The following PKHD1 variants were observed in gnomAD, a reference collection of about 807,000 sequenced individuals.
PKHD1 encodes PKHD1 ciliary IPT domain containing fibrocystin/polyductin, also known as fibrocystin.
In PKHD1, 291 loss-of-function variants were observed where a neutral mutation model predicts 412.0. That is an observed-to-expected ratio of 0.71 (90% CI 0.64 to 0.78). The LOEUF (loss-of-function observed/expected upper bound fraction) is 0.78, where lower values mean the gene tolerates loss of function less well. PKHD1 is among the 30% of genes least tolerant of loss of function. The pLI is 0.00. For synonymous variants in PKHD1, 1,777 were observed against 1,821.5 expected (o/e 0.98, Z 0.62); for missense variants, 4,825 against 4,950.7 (o/e 0.97, Z 0.76).
chr6:51,648,237 A>C (rs1770387482), intron 62 of PKHD1, 119 bp from the exon 63 acceptor site: 1 of 651,756 alleles, frequency 1.5e-6, no homozygotes, highest in Non-Finnish European at 2.8e-6. Flanking sequence ...AGTAGAAATA[A>C]AGGAAAGAAA....
chr6:51,958,153 A>T (rs1163053105), intron 36 of PKHD1, among the ~76,000 whole-genome samples: 2 of 152,058 alleles, frequency 1.3e-5, no homozygotes, highest in Admixed American at 1.3e-4. Context: ...TCTTTTGCCA[A>T]CAACTCCTGT....
At chr6:51,771,867 G>C (rs948242116) in intron 55 of PKHD1, among the ~76,000 whole-genome samples, 1 of 151,922 alleles carries the variant, frequency 6.6e-6, no homozygotes, top group African/African-American at 2.4e-5. Context: ...GTGGCATCAC[G>C]ATCTTCCCAC....
At chr6:51,670,235 A>G (rs2150494610) in intron 60 of PKHD1, among the ~76,000 whole-genome samples, 1 of 151,908 alleles carries the variant, frequency 6.6e-6, no homozygotes, top group South Asian at 2.1e-4. Context: ...GTGCTCCTGT[A>G]TTGGGTGCAT....
chr6:51,689,881 GAAGA>G (rs1251967140), intron 60 of PKHD1, among the ~76,000 whole-genome samples: 2 of 152,140 alleles, frequency 1.3e-5, no homozygotes, highest in African/African-American at 4.8e-5. Flanking sequence ...CATGCTTATG[GAAGA>G]AAGAATCAAT....
At chr6:52,084,649 A>G (rs899393075) in intron 2 of PKHD1, among the ~76,000 whole-genome samples, 2 of 152,258 alleles carry the variant, frequency 1.3e-5, no homozygotes, top group Admixed American at 6.5e-5. Context: ...ATATAACCTC[A>G]GCTGTTAAAC....
intron 48 of PKHD1, among the ~76,000 whole-genome samples, chr6:51,860,714 T>G (rs1489888343): frequency 6.6e-6 from 1 of 152,216 alleles, no homozygotes; most frequent in Non-Finnish European, 1.5e-5. Context: ...TCCTCCTGTC[T>G]ATGATCAAAA....
At chr6:51,953,727 C>A (rs1322981225) in intron 36 of PKHD1, among the ~76,000 whole-genome samples, 1 of 151,892 alleles carries the variant, frequency 6.6e-6, no homozygotes, top group African/African-American at 2.4e-5. Context: ...TTCAATAAAC[C>A]AAGAATATGC....
chr6:52,060,617 T>C lies in PKHD1; in HGVS notation c.1119-575A>G, dbSNP rs150449025. The stretch of plus-strand genomic sequence containing the variant: ...TTTTTAAAAGATAATATTTTTAATA[T>C]TTAAATTCCAGCAACCTAATATTAT... On this transcript the variant is annotated intron_variant, in intron 14 of 66. Coordinates refer to ENST00000371117, the MANE Select transcript of PKHD1 (RefSeq NM_138694.4). Among the ~76,000 whole-genome samples, 15 of 152,312 alleles carry C rather than the reference T, an allele frequency of 9.8e-5. No homozygotes were observed. In the East Asian group the frequency reaches 2.3e-3, roughly 23 times the overall value.
chr6:51,753,229 G>A lies in PKHD1; in HGVS notation c.8922C>T (p.Phe2974=). Reference sequence around the variant, plus strand: ...AAAATTCTTCTCGGCTGGACTTCCTGAAGGACCCCACAAACAGTCTCCCCC... The same window carrying A: ...AAAATTCTTCTCGGCTGGACTTCCTAAAGGACCCCACAAACAGTCTCCCCC... ...SCRGRLFVGS[F]RKSSREEFSG... Residue 2974 remains phenylalanine (F), a synonymous_variant, in exon 57 of 67, where the codon TTC becomes TTT. Transcript: ENST00000371117. 6.2e-7 allele frequency: 1 copy of A among 1,613,770 alleles called. No homozygotes were observed.
chr6:51,767,220 A>T (rs77488408), intron 55 of PKHD1, among the ~76,000 whole-genome samples: 24,577 of 149,400 alleles, frequency 0.16, 2,364 homozygotes, highest in African/African-American at 0.28. Context: ...GCATACATTT[A>T]AAAAAAAATG....
chr6:52,037,068 A>G (rs1467744523), intron 27 of PKHD1, among the ~76,000 whole-genome samples: 1 of 152,194 alleles, frequency 6.6e-6, no homozygotes, highest in East Asian at 1.9e-4. Flanking sequence ...AATAAAATAT[A>G]GTCCAGAAGA....
chr6:51,833,056 G>C (rs1333579472), intron 51 of PKHD1, among the ~76,000 whole-genome samples: 1 of 152,118 alleles, frequency 6.6e-6, no homozygotes, highest in East Asian at 1.9e-4. Flanking sequence ...AAAATACTCA[G>C]CTGGGGGTAG....
intron 51 of PKHD1, among the ~76,000 whole-genome samples, chr6:51,835,461 C>T (rs1214029564): frequency 1.3e-5 from 2 of 152,168 alleles, no homozygotes; most frequent in Non-Finnish European, 2.9e-5. Flanking sequence ...TGACTGACAT[C>T]CCCAAGAGAT....
At position 51,832,680 on chromosome 6, in the gene PKHD1, C is replaced by T. The variant is rs369577131; in HGVS notation, c.8174-1691G>A. Reference sequence around the variant, plus strand: ...CAGAGATGAATTTGGCATCATCGGCCTAGAAGCTGTATTTGAAACTCTGAG... The same window carrying T: ...CAGAGATGAATTTGGCATCATCGGCTTAGAAGCTGTATTTGAAACTCTGAG... On this transcript the variant is annotated intron_variant, in intron 51 of 66. Transcript: ENST00000371117. Among the ~76,000 whole-genome samples the T allele has an allele frequency of 1.6e-4, 24 of 152,016 alleles. 2 individuals are homozygous for T. Among genetic ancestry groups the T allele is most frequent in the African/African-American group, 5.8e-4 (24 of 41,482 alleles).
At chr6:52,084,617 T>A (rs1812491683) in intron 2 of PKHD1, among the ~76,000 whole-genome samples, 1 of 152,200 alleles carries the variant, frequency 6.6e-6, no homozygotes. Flanking sequence ...AAAATTGAAG[T>A]ATATAGTCAT....
intron 32 of PKHD1, among the ~76,000 whole-genome samples, chr6:52,024,363 T>A (rs1801826710): frequency 6.6e-6 from 1 of 152,204 alleles, no homozygotes; most frequent in Non-Finnish European, 1.5e-5. Flanking sequence ...TTAGAGAATA[T>A]GCACAGTTTC....
intron 63 of PKHD1, among the ~76,000 whole-genome samples, chr6:51,640,661 A>C (rs916545973): frequency 6.6e-6 from 1 of 152,164 alleles, no homozygotes; most frequent in African/African-American, 2.4e-5. Context: ...TCTGCAGGAT[A>C]GATAGTTTCT....
intron 4 of PKHD1, among the ~76,000 whole-genome samples, chr6:52,080,926 T>C (rs556747815): frequency 2.6e-5 from 4 of 152,342 alleles, no homozygotes; most frequent in African/African-American, 9.6e-5. Flanking sequence ...AATTTTAAAT[T>C]ACATTTGTGT....
chr6:51,982,002 G>A (rs1795399415), intron 35 of PKHD1, among the ~76,000 whole-genome samples: 1 of 67,402 alleles, frequency 1.5e-5, no homozygotes, highest in African/African-American at 3.8e-5. Context: ...CGCCTCTGCT[G>A]GCCGCAACCC....
Sources: allele counts gnomAD v4.1 joint callset (sites outside exome capture counted in the v4.1 genomes callset), GRCh38; gene constraint gnomAD v4.1.1; transcripts MANE v1.5; gene names NCBI Gene and HGNC (gene_info 2026-07-23, HGNC 2026-07-21).